MIR2052HG: variants seen among roughly 807,000 people sequenced by gnomAD.
MIR2052HG encodes MIR2052 host gene.
chr8:74,663,078 CTA>C (rs985077121), intron 2 of MIR2052HG, among the ~76,000 whole-genome samples: 1 of 152,046 alleles, frequency 6.6e-6, no homozygotes, highest in Non-Finnish European at 1.5e-5. Flanking sequence ...ATAAGATAAT[CTA>C]TGTTTGTTGA....
chr8:74,672,195 C>T (rs554067674), intron 2 of MIR2052HG, among the ~76,000 whole-genome samples: 46 of 152,214 alleles, frequency 3.0e-4, no homozygotes, highest in Middle Eastern at 6.8e-3. Flanking sequence ...CTATGCATCA[C>T]ATTTTCACAA....
chr8:74,623,276 A>G (rs184941198), intron 2 of MIR2052HG, among the ~76,000 whole-genome samples: 1 of 152,318 alleles, frequency 6.6e-6, no homozygotes, highest in Admixed American at 6.5e-5. Flanking sequence ...TTTATTTGTC[A>G]GTTTAATAAA....
chr8:74,755,681 T>C (rs559346754), intron 5 of MIR2052HG, among the ~76,000 whole-genome samples: 1 of 152,246 alleles, frequency 6.6e-6, no homozygotes, highest in Admixed American at 6.5e-5. Context: ...CCTGTCTTGG[T>C]TCATGCGCTA....
intron 4 of MIR2052HG, among the ~76,000 whole-genome samples, chr8:74,745,280 G>A (rs954557300): frequency 1.3e-5 from 2 of 151,928 alleles, no homozygotes; most frequent in African/African-American, 4.8e-5. Context: ...AAGCAATGCA[G>A]AAAAGATCTG....
intron 2 of MIR2052HG, among the ~76,000 whole-genome samples, chr8:74,617,202 A>G (rs1375101595): frequency 1.3e-5 from 2 of 152,186 alleles, no homozygotes; most frequent in Non-Finnish European, 1.5e-5. Context: ...AATAGTGAGC[A>G]TTGTACCCAA....
intron 2 of MIR2052HG, among the ~76,000 whole-genome samples, chr8:74,616,230 CA>C (rs1350779313): frequency 4.0e-5 from 6 of 151,842 alleles, no homozygotes; most frequent in South Asian, 2.1e-4. Context: ...GTCCCACTAA[CA>C]GTGTAAAAGT....
intron 4 of MIR2052HG, among the ~76,000 whole-genome samples, chr8:74,741,761 A>G (rs188951788): frequency 3.9e-5 from 6 of 152,278 alleles, no homozygotes; most frequent in South Asian, 2.1e-4. Context: ...AGCCTCTTGC[A>G]CTTAGGAACA....
In MIR2052HG at chr8:74,615,954, A is replaced by G. The variant is rs184533472; in HGVS notation, n.216+3014A>G. Among the ~76,000 whole-genome samples, 719 of 152,160 alleles carry G rather than the reference A, an allele frequency of 4.7e-3. 5 individuals are homozygous for G. Among genetic ancestry groups the G allele is most frequent in the African/African-American group, 0.016 (685 of 41,542 alleles). ...AAGGACATGAACTCATCATTTTTTT[A>G]TGGCTGCATAGTATTCCATGGTGTA... On this transcript the variant is annotated intron_variant and non_coding_transcript_variant, in intron 2 of 6. Coordinates refer to ENST00000523442, the Ensembl canonical transcript of MIR2052HG.
chr8:74,609,736 A>AAT (rs1198165676), intron 1 of MIR2052HG: 1 of 148,746 alleles, frequency 6.7e-6, no homozygotes, highest in Non-Finnish European at 1.5e-5. Flanking sequence ...AATAATAAAT[A>AAT]AATAATAATA....
At chr8:74,661,367 T>C (rs1425893311) in intron 2 of MIR2052HG, among the ~76,000 whole-genome samples, 2 of 152,052 alleles carry the variant, frequency 1.3e-5, no homozygotes, top group African/African-American at 2.4e-5. Flanking sequence ...CAGACTCAGC[T>C]AATTTTTGTA....
chr8:74,738,151 A>G (rs1288215105), intron 4 of MIR2052HG, among the ~76,000 whole-genome samples: 1 of 151,932 alleles, frequency 6.6e-6, no homozygotes, highest in Non-Finnish European at 1.5e-5. Flanking sequence ...CTATCTATCC[A>G]TCTACCTATC....
At chr8:74,740,038 T>C (rs1401649387) in intron 4 of MIR2052HG, among the ~76,000 whole-genome samples, 1 of 152,206 alleles carries the variant, frequency 6.6e-6, no homozygotes, top group African/African-American at 2.4e-5. Flanking sequence ...CATAGTAGTA[T>C]CATTCTGAAT....
intron 2 of MIR2052HG, among the ~76,000 whole-genome samples, chr8:74,701,170 GATAA>G (rs1809353848): frequency 6.6e-6 from 1 of 152,036 alleles, no homozygotes; most frequent in Non-Finnish European, 1.5e-5. Flanking sequence ...ATGAGAATTT[GATAA>G]ATATTTAGAA....
intron 2 of MIR2052HG, among the ~76,000 whole-genome samples, chr8:74,668,736 C>G (rs1808958851): frequency 6.6e-6 from 1 of 152,186 alleles, no homozygotes; most frequent in South Asian, 2.1e-4. Context: ...TTGGAACTGC[C>G]CCACCAGAAG....
intron 2 of MIR2052HG, among the ~76,000 whole-genome samples, chr8:74,636,220 G>C (rs191658174): frequency 6.6e-6 from 1 of 152,230 alleles, no homozygotes; most frequent in East Asian, 1.9e-4. Context: ...AAGTTGACCT[G>C]TTCTTTACTT....
At chr8:74,746,385 C>T (rs75833749) in intron 4 of MIR2052HG, among the ~76,000 whole-genome samples, 88 of 152,074 alleles carry the variant, frequency 5.8e-4, no homozygotes, top group African/African-American at 1.3e-3. Context: ...AAGTACTTGG[C>T]GGTAGGTATA....
At chr8:74,603,739 G>C in intron 1 of MIR2052HG, 4 of 863,610 alleles carry the variant, frequency 4.6e-6, no homozygotes, top group Non-Finnish European at 8.1e-6. Flanking sequence ...CTTCGGGGGG[G>C]ACTCCAACAT....
chr8:74,605,182 T>G (rs1808093486), intron 1 of MIR2052HG, among the ~76,000 whole-genome samples: 2 of 152,060 alleles, frequency 1.3e-5, no homozygotes, highest in Non-Finnish European at 2.9e-5. Context: ...AGATGCAGAG[T>G]CTGTGGTTTA....
At chr8:74,605,320 A>G (rs1808095895) in intron 1 of MIR2052HG, among the ~76,000 whole-genome samples, 1 of 152,240 alleles carries the variant, frequency 6.6e-6, no homozygotes, top group African/African-American at 2.4e-5. Context: ...CTGACTCAAA[A>G]GCTTCGTGGG....
Sources: gnomAD v4.1 joint callset for allele counts (sites outside exome capture counted in the v4.1 genomes callset) on GRCh38, gnomAD v4.1.1 for gene constraint, MANE v1.5 for transcripts, NCBI Gene and HGNC (gene_info 2026-07-23, HGNC 2026-07-21) for gene names.